Variants in MYO7B observed in about 807,000 individuals in gnomAD.
MYO7B encodes unconventional myosin-VIIb.
A neutral mutation model predicts 259.7 loss-of-function variants in MYO7B; 212 were observed. That is an observed-to-expected ratio of 0.82 (90% confidence interval 0.73 to 0.91). MYO7B has a LOEUF of 0.91. Ranked by LOEUF, MYO7B falls within the 40% of genes least tolerant of loss-of-function variation. The pLI, the probability that MYO7B is intolerant of heterozygous loss-of-function variation, is 0.00. For missense variants in MYO7B, 2,732 were observed against 2,813.5 expected (o/e 0.97, Z 0.66); for synonymous variants, 1,197 against 1,166.4 (o/e 1.03, Z -0.54).
rs1337164233 is a variant in MYO7B, at chr2:127,584,710, C to T, written c.1555-68C>T. 8 of 1,579,396 alleles carry T rather than the reference C, an allele frequency of 5.1e-6. No homozygotes were observed. The highest frequency in any genetic ancestry group is 6.0e-6 in the Non-Finnish European group (7 of 1,157,842). ...GATCTCTTTGCCTCCATGAGGAAGT[C>T]CCTGAGCCTCACCTCCCCATGGCTG... On this transcript the variant is annotated intron_variant, in intron 13 of 47. Coordinates refer to ENST00000409816, the MANE Select transcript of MYO7B (RefSeq NM_001393586.1). This position sits in a 1 kb window ranked among gnomAD's most constrained non-coding sequence, Gnocchi z 5.8.
intron 7 of MYO7B, among the ~76,000 whole-genome samples, chr2:127,575,394 AT>A (rs1345431205): frequency 6.6e-6 from 1 of 152,150 alleles, no homozygotes; most frequent in African/African-American, 2.4e-5. Context: ...TGGGCAGGAA[AT>A]TTCTAAAGCA....
chr2:127,633,222 G>C (rs184835175), intron 39 of MYO7B, 36 bp from the exon 40 acceptor site: 2 of 1,511,574 alleles, frequency 1.3e-6, no homozygotes, highest in African/African-American at 1.4e-5. Flanking sequence ...GGATGAGGGT[G>C]GGGGTGGCAC....
intron 6 of MYO7B, 28 bp downstream of exon 6, chr2:127,569,938 C>T (rs1292167004): frequency 3.8e-6 from 6 of 1,596,826 alleles, no homozygotes; most frequent in Non-Finnish European, 5.1e-6. Flanking sequence ...ACCCGCCCTT[C>T]TCCCCCAGCC....
intron 9 of MYO7B, among the ~76,000 whole-genome samples, chr2:127,579,861 C>T (rs1001103098): frequency 1.3e-5 from 2 of 152,182 alleles, no homozygotes; most frequent in African/African-American, 4.8e-5. Flanking sequence ...GCTGGGATTA[C>T]AGACACAAGC....
chr2:127,588,260 T>C, intron 14 of MYO7B, 132 bp from the exon 15 acceptor site: 1 of 1,017,782 alleles, frequency 9.8e-7, no homozygotes, highest in Non-Finnish European at 1.4e-6. Context: ...GTGGAGAGCA[T>C]GGCCGTAGTG....
chr2:127,582,374 A>C lies in MYO7B; in HGVS notation c.1271A>C (p.Gln424Pro). 6.2e-7 allele frequency: 1 copy of C among 1,613,472 alleles called. No homozygotes were observed. Among genetic ancestry groups the C allele is most frequent in the Non-Finnish European group, 8.5e-7 (1 of 1,179,710 alleles). The change falls in exon 12 of 48, where the codon CAG (glutamine) becomes CCG (proline). Residue 424 changes from glutamine to proline, a missense_variant. Gln to Pro is a moderately conservative substitution (Grantham distance 76). This residue lies in a region of MYO7B where 1,906 missense variants were observed against 2,026.4 expected (regional missense o/e 0.94). Transcript: ENST00000409816. ...GCCGCCATCTTCACACCACCAGCCC[A>C]GGACCCCAAAAATGTGCGGAGGGCC... Reference protein sequence around the residue: ...INAAIFTPPAQDPKNVRRAIG... With the variant: ...INAAIFTPPAPDPKNVRRAIG...
At position 127,576,761 on chromosome 2, in the gene MYO7B, G is replaced by A. The variant is rs1678885148; in HGVS notation, c.849+53G>A. ...TAGCCAGTGGAAGGGAGGAAAAAGA[G>A]CTTGTGCCGCTCCACCCTCCGCGAC... is the stretch of plus-strand genomic sequence containing the variant. On this transcript the variant is annotated intron_variant, in intron 8 of 47. Transcript: ENST00000409816. The surrounding 1 kb of genome is among the most constrained non-coding windows in gnomAD (Gnocchi z 4.9). 2 of 1,297,314 alleles carry A rather than the reference G, an allele frequency of 1.5e-6. No homozygotes were observed. Among genetic ancestry groups the A allele is most frequent in the South Asian group, 1.3e-5 (1 of 79,156 alleles). The allele number at this position is 1,297,314 out of a possible 1,614,324, so 80.4% of individuals were successfully genotyped here.
chr2:127,635,321 AG>A (rs1019652410), intron 43 of MYO7B, 95 bp downstream of exon 43: 2 of 1,212,106 alleles, frequency 1.7e-6, no homozygotes, highest in African/African-American at 3.0e-5. Flanking sequence ...GGGCAGGGCC[AG>A]CCTCAGCCCT....
intron 1 of MYO7B, among the ~76,000 whole-genome samples, chr2:127,554,731 AT>A (rs920658452): frequency 6.6e-6 from 1 of 151,520 alleles, no homozygotes. Context: ...GTTGCTGGTA[AT>A]TTTTTTTATT....
chr2:127,634,587 C>T lies in MYO7B; in HGVS notation c.5626-9C>T. 2 of 1,608,944 alleles carry T rather than the reference C, an allele frequency of 1.2e-6. No homozygotes were observed. Among genetic ancestry groups the T allele is most frequent in the South Asian group, 1.1e-5 (1 of 89,944 alleles). On this transcript the variant is annotated splice_polypyrimidine_tract_variant and intron_variant, in intron 41 of 47. Coordinates refer to ENST00000409816, the MANE Select transcript of MYO7B (RefSeq NM_001393586.1). Reference sequence around the variant, plus strand: ...CCACCCAACTTCCCTGTACCTTCCCCTTCCCCAGGTCATCAGCCAGAAGGA... The same window carrying T: ...CCACCCAACTTCCCTGTACCTTCCCTTTCCCCAGGTCATCAGCCAGAAGGA...
chr2:127,540,863 G>C (rs10496664), intron 1 of MYO7B, among the ~76,000 whole-genome samples: 22,836 of 152,172 alleles, frequency 0.15, 1,865 homozygotes, highest in African/African-American at 0.2. Context: ...CTACATGAAG[G>C]ACGGTGTTTC....
chr2:127,548,661 G>A (rs1693329247), intron 1 of MYO7B, among the ~76,000 whole-genome samples: 1 of 151,876 alleles, frequency 6.6e-6, no homozygotes, highest in Non-Finnish European at 1.5e-5. Context: ...TGATCCACCC[G>A]CCTCGGCCTC....
At position 127,607,404 on chromosome 2, in the gene MYO7B, T is replaced by G; in HGVS notation, c.2623T>G (p.Phe875Val). 6.4e-7 allele frequency: 1 copy of G among 1,551,150 alleles called. No homozygotes were observed. The highest frequency in any genetic ancestry group is 8.7e-7 in the Non-Finnish European group (1 of 1,146,834). Residue 875 changes from phenylalanine to valine, a missense_variant, in exon 21 of 48, where the codon TTC becomes GTC. Transcript: ENST00000409816. This position sits in a 1 kb window ranked among gnomAD's most constrained non-coding sequence, Gnocchi z 4.4. ...CAGGGGCATGGCTGCCCGGCGCAAC[T>G]TCCAGCAAAGGAAGGCCAATGTAGG... ...HARGMAARRN[F>V]QQRKANAPLV...
At chr2:127,606,229 C>T (rs1680153544) in intron 20 of MYO7B, among the ~76,000 whole-genome samples, 1 of 152,258 alleles carries the variant, frequency 6.6e-6, no homozygotes, top group Non-Finnish European at 1.5e-5. Flanking sequence ...CTTTTCCCAA[C>T]TTGCAGGCAA....
chr2:127,624,383 G>A, intron 30 of MYO7B, 63 bp downstream of exon 30: 1 of 1,463,338 alleles, frequency 6.8e-7, no homozygotes, highest in Non-Finnish European at 9.2e-7. Flanking sequence ...CCATAGAGGA[G>A]GCACCCAACT....
Position 127,633,341 on chromosome 2 carries a change from A to T in MYO7B, c.5489A>T (p.Tyr1830Phe), listed in dbSNP as rs1428210801. 1 of 1,612,922 alleles carries T rather than the reference A, an allele frequency of 6.2e-7. No individual in the cohort carries two copies. The highest frequency in any genetic ancestry group is 2.2e-5 in the East Asian group (1 of 44,852). Residue 1830 changes from tyrosine (Y) to phenylalanine (F), a missense_variant, in exon 40 of 48, where the codon TAC becomes TTC. Tyr to Phe is a conservative substitution (Grantham distance 22). This residue lies in a region of MYO7B where 821 missense variants were observed against 769.3 expected (regional missense o/e 1.07). Coordinates refer to ENST00000409816, the MANE Select transcript of MYO7B (RefSeq NM_001393586.1). The part of the protein sequence containing the change: ...QNVSRICHKI[Y>F]FPNDTSEMLE... ...GTCTCCCGCATCTGCCACAAGATCT[A>T]CTTCCCCAATGACACCAGTGAGGTG...
chr2:127,617,074 G>A (rs1680597983), intron 26 of MYO7B, among the ~76,000 whole-genome samples: 1 of 152,158 alleles, frequency 6.6e-6, no homozygotes, highest in Non-Finnish European at 1.5e-5. Context: ...GCCATTGCCT[G>A]AGTCAACATT....
intron 19 of MYO7B, among the ~76,000 whole-genome samples, chr2:127,600,367 T>C (rs1319207442): frequency 6.6e-6 from 1 of 152,180 alleles, no homozygotes; most frequent in Admixed American, 6.5e-5. Flanking sequence ...ATATTGGAAA[T>C]TTATGTCTTC....
In MYO7B at chr2:127,567,561, C is replaced by T. The variant is rs114999936; in HGVS notation, c.470+734C>T. Among the ~76,000 whole-genome samples the T allele has an allele frequency of 3.9e-5, 6 of 152,180 alleles. No homozygotes were observed. The South Asian group carries it at 6.2e-4, about 16-fold the overall frequency. On this transcript the variant is annotated intron_variant, in intron 5 of 47. Transcript: ENST00000409816. ...GCCACCCCTCAGGGGAGTCTGCACC[C>T]GTTGTTCCAGGAACACTGGATCCTA...
Sources: allele counts gnomAD v4.1 joint callset (sites outside exome capture counted in the v4.1 genomes callset), GRCh38; gene constraint gnomAD v4.1.1; regional missense constraint gnomAD v4.1.1; non-coding constraint Gnocchi (gnomAD v3.1); transcripts MANE v1.5; gene names NCBI Gene and HGNC (gene_info 2026-07-23, HGNC 2026-07-21).